Variants in SLC1A1 observed in about 807,000 individuals in gnomAD.
The protein encoded by SLC1A1 is excitatory amino acid transporter 3.
Under a neutral mutation model 53.3 loss-of-function variants are expected in SLC1A1, and 43 were observed. The ratio of observed to expected loss-of-function variants is 0.81; its 90% confidence interval spans 0.63 to 1.04. The LOEUF (loss-of-function observed/expected upper bound fraction) is 1.04. Ranked by LOEUF, SLC1A1 falls within the 50% of genes least tolerant of loss-of-function variation. The probability of loss-of-function intolerance (pLI) is 0.00; values close to 1 mark genes in which losing one functional copy is unlikely to be tolerated. For synonymous variants in SLC1A1, 307 were observed against 243.2 expected (o/e 1.26, Z -2.44); for missense variants, 748 against 664.9 (o/e 1.12, Z -1.37).
chr9:4,522,475 G>A (rs976239490), intron 1 of SLC1A1, among the ~76,000 whole-genome samples: 9 of 152,174 alleles, frequency 5.9e-5, no homozygotes, highest in Admixed American at 2.0e-4. Flanking sequence ...TAATGTCCGT[G>A]TGAGTCAGTC....
At chr9:4,507,703 T>C (rs1194560699) in intron 1 of SLC1A1, among the ~76,000 whole-genome samples, 2 of 152,150 alleles carry the variant, frequency 1.3e-5, no homozygotes, top group Non-Finnish European at 2.9e-5. Flanking sequence ...ACCCAGGTAC[T>C]TCGACTTAGC....
chr9:4,508,419 C>T (rs1250750690), intron 1 of SLC1A1, among the ~76,000 whole-genome samples: 3 of 152,082 alleles, frequency 2.0e-5, no homozygotes, highest in Non-Finnish European at 4.4e-5. Context: ...GATATTTGCT[C>T]GAGAGACTAG....
intron 1 of SLC1A1, among the ~76,000 whole-genome samples, chr9:4,499,846 A>G (rs901272907): frequency 6.6e-6 from 1 of 152,272 alleles, no homozygotes; most frequent in Non-Finnish European, 1.5e-5. Context: ...GGCATAAGAA[A>G]TAAAGAAAGC....
intron 1 of SLC1A1, among the ~76,000 whole-genome samples, chr9:4,530,939 G>C (rs1036784621): frequency 1.3e-5 from 2 of 152,136 alleles, no homozygotes; most frequent in African/African-American, 4.8e-5. Context: ...CTCTTTGGTC[G>C]CTAGGAAAAG....
Position 4,585,587 on chromosome 9 carries a change from A to C in SLC1A1, c.*29A>C, listed in dbSNP as rs1309198522. 2 of 1,614,088 alleles carry C rather than the reference A, an allele frequency of 1.2e-6. No homozygotes were observed. The highest frequency in any genetic ancestry group is 2.2e-5 in the South Asian group (2 of 91,078). ...CCCTGGCTGCAGATGACTGGAAACA[A>C]GGAAGGACATTTCCGTGAGAGTCAT... On this transcript the variant is annotated 3_prime_UTR_variant, in exon 12 of 12. Coordinates refer to ENST00000262352, the MANE Select transcript of SLC1A1 (RefSeq NM_004170.6).
intron 1 of SLC1A1, among the ~76,000 whole-genome samples, chr9:4,491,451 TCTC>T (rs940797675): frequency 6.6e-6 from 1 of 152,220 alleles, no homozygotes; most frequent in Non-Finnish European, 1.5e-5. Context: ...AGCCGTCTCT[TCTC>T]CTGCCTTCCT....
At position 4,576,765 on chromosome 9, in the gene SLC1A1, T is replaced by TGG; in HGVS notation, c.1193+5_1193+6dup. ...CATTGGGCAGATCATCACCATCAGG[T>TGG]GGGGCATGGTGTCACATTCATTGTC... On this transcript the variant is annotated splice_region_variant and intron_variant, in intron 10 of 11. Coordinates refer to ENST00000262352, the MANE Select transcript of SLC1A1 (RefSeq NM_004170.6). The TGG allele has an allele frequency of 6.2e-7, 1 of 1,613,090 alleles. No individual in the cohort carries two copies. The highest frequency in any genetic ancestry group is 8.5e-7 in the Non-Finnish European group (1 of 1,179,388).
intron 1 of SLC1A1, among the ~76,000 whole-genome samples, chr9:4,494,132 A>C (rs1037447890): frequency 1.3e-5 from 2 of 152,182 alleles, no homozygotes; most frequent in Admixed American, 6.5e-5. Context: ...TTTCATTACA[A>C]TTCTTATAGG....
intron 1 of SLC1A1, among the ~76,000 whole-genome samples, chr9:4,536,058 G>A (rs1254440192): frequency 2.6e-5 from 4 of 152,180 alleles, no homozygotes; most frequent in African/African-American, 9.6e-5. Context: ...ATGGATGAAA[G>A]ACTTAAATGT....
intron 2 of SLC1A1, among the ~76,000 whole-genome samples, chr9:4,547,742 A>T (rs1817602985): frequency 6.6e-6 from 1 of 150,596 alleles, no homozygotes; most frequent in Non-Finnish European, 1.5e-5. Context: ...ATGGTGATAA[A>T]TTATAAGCAA....
Position 4,572,357 on chromosome 9 carries a change from G to A in SLC1A1, c.736G>A (p.Ala246Thr), listed in dbSNP as rs370715167. Residue 246 changes from alanine to threonine, a missense_variant, in exon 7 of 12, where the codon GCA becomes ACA. Physicochemically the swap from Ala to Thr is moderately conservative, Grantham distance 58. Coordinates refer to ENST00000262352, the MANE Select transcript of SLC1A1 (RefSeq NM_004170.6). ...LVDFFNALSDATMKIVQIIMC... is the reference protein window; with the variant it reads ...LVDFFNALSDTTMKIVQIIMC... ...GGATTTCTTCAATGCTTTGAGTGATGCAACCATGAAAATCGTTCAGATCAT... is the reference window on the plus strand; with the variant it reads ...GGATTTCTTCAATGCTTTGAGTGATACAACCATGAAAATCGTTCAGATCAT... 10 of 1,614,016 alleles carry A rather than the reference G, an allele frequency of 6.2e-6. No homozygotes were observed. The highest frequency in any genetic ancestry group is 1.1e-5 in the South Asian group (1 of 91,084).
intron 2 of SLC1A1, among the ~76,000 whole-genome samples, chr9:4,555,504 G>T (rs1189442710): frequency 6.6e-6 from 1 of 152,182 alleles, no homozygotes; most frequent in African/African-American, 2.4e-5. Context: ...GATGATTACT[G>T]CTTTGGCTGG....
At chr9:4,547,284 T>C (rs1817571140) in intron 2 of SLC1A1, among the ~76,000 whole-genome samples, 1 of 152,236 alleles carries the variant, frequency 6.6e-6, no homozygotes, top group Non-Finnish European at 1.5e-5. Context: ...AGCATTCCAC[T>C]GACATAGCCC....
Position 4,585,187 on chromosome 9 carries a change from C to A in SLC1A1, c.1329-125C>A, listed in dbSNP as rs1184505503. On this transcript the variant is annotated intron_variant, in intron 11 of 11. Transcript: ENST00000262352. ...TGTGAGGAGCCTTCAGTCAGTCAGC[C>A]ATGAGGACAGCACTTTCTGCACTTA... 4 of 1,293,386 alleles carry A rather than the reference C, an allele frequency of 3.1e-6. No homozygotes were observed. The African/African-American group carries it at 5.8e-5, about 19-fold the overall frequency. The allele number at this position is 1,293,386 out of a possible 1,614,324, so 80.1% of individuals were successfully genotyped here.
At chr9:4,522,861 T>C (rs1213329217) in intron 1 of SLC1A1, among the ~76,000 whole-genome samples, 3 of 152,204 alleles carry the variant, frequency 2.0e-5, no homozygotes, top group Non-Finnish European at 1.5e-5. Flanking sequence ...CCTTGACACA[T>C]GGAGATTATG....
At chr9:4,494,478 T>C (rs1332808952) in intron 1 of SLC1A1, among the ~76,000 whole-genome samples, 2 of 152,148 alleles carry the variant, frequency 1.3e-5, no homozygotes, top group East Asian at 3.8e-4. Context: ...TCCTGCTTAG[T>C]GTCCCGCCTA....
chr9:4,508,910 T>C (rs1285866928), intron 1 of SLC1A1, among the ~76,000 whole-genome samples: 1 of 152,026 alleles, frequency 6.6e-6, no homozygotes. Flanking sequence ...AGCAGACAAA[T>C]GCTTCTGCCT....
chr9:4,496,239 G>T (rs1165873846), intron 1 of SLC1A1, among the ~76,000 whole-genome samples: 1 of 152,126 alleles, frequency 6.6e-6, no homozygotes. Flanking sequence ...AGGCTCGGGG[G>T]CAGGAGTGAG....
chr9:4,493,333 C>G lies in SLC1A1; in HGVS notation c.91+2563C>G, dbSNP rs189010893. ...TACTGGGCCTGAGTGGAAACTCATA[C>G]TTGTTTGTGTAGTCTGTAAGGGCTG... On this transcript the variant is annotated intron_variant, in intron 1 of 11. Transcript: ENST00000262352. 2.0e-5 allele frequency among the ~76,000 whole-genome samples: 3 copies of G among 152,276 alleles called. No individual in the cohort carries two copies. The East Asian group carries it at 5.8e-4, about 29-fold the overall frequency.
Sources: allele counts gnomAD v4.1 joint callset (sites outside exome capture counted in the v4.1 genomes callset), GRCh38; gene constraint gnomAD v4.1.1; transcripts MANE v1.5; gene names NCBI Gene and HGNC (gene_info 2026-07-23, HGNC 2026-07-21).